Variants in CSTL1 observed in about 807,000 individuals in gnomAD.
CSTL1 encodes the protein cystatin-like 1.
CSTL1 carries 14 observed loss-of-function variants against 14.4 expected under a neutral mutation model. The observed-to-expected ratio is 0.97, with a 90% confidence interval of 0.64 to 1.52. CSTL1 has a LOEUF of 1.52. Ranked by LOEUF, CSTL1 falls within the 40% of genes most tolerant of loss-of-function variation. The probability of loss-of-function intolerance (pLI) is 0.00; values close to 1 mark genes in which losing one functional copy is unlikely to be tolerated. For synonymous variants in CSTL1, 72 were observed against 67.5 expected (o/e 1.07, Z -0.33); for missense variants, 170 against 168.7 (o/e 1.01, Z -0.04).
chr20:23,452,772 C>A, the CSTL1 span: 4 of 1,613,982 alleles, frequency 2.5e-6, no homozygotes, highest in African/African-American at 5.3e-5. Context: ...AATAGAATGG[C>A]CAACAGGAGC....
chr20:23,453,531 TG>T, the CSTL1 span, among the ~76,000 whole-genome samples: 2 of 152,272 alleles, frequency 1.3e-5, no homozygotes, highest in Admixed American at 1.3e-4. Flanking sequence ...GGGGACCTGA[TG>T]GGAGTCCCCA....
chr20:23,440,918 G>A, intron 2 of CSTL1: 1 of 256,152 alleles, frequency 3.9e-6, no homozygotes, highest in South Asian at 4.0e-5. Context: ...CACCACACCT[G>A]GCTAAATTTT....
chr20:23,455,144 G>A, the CSTL1 span, among the ~76,000 whole-genome samples: 2 of 152,178 alleles, frequency 1.3e-5, no homozygotes, highest in Admixed American at 1.3e-4. Context: ...AAGGATTGTG[G>A]TGCCTTGTGC....
the CSTL1 span, among the ~76,000 whole-genome samples, chr20:23,451,041 A>G: frequency 6.6e-6 from 1 of 151,754 alleles, no homozygotes; most frequent in African/African-American, 2.4e-5. Context: ...CCATCCATCC[A>G]TTTACCCATC....
chr20:23,444,939 T>A, downstream of CSTL1: 1 of 1,134,562 alleles, frequency 8.8e-7, no homozygotes, highest in Non-Finnish European at 1.3e-6. Flanking sequence ...CATGTCTCCC[T>A]CATTGGGGTC....
At chr20:23,451,547 G>A in the CSTL1 span, among the ~76,000 whole-genome samples, 11 of 152,060 alleles carry the variant, frequency 7.2e-5, no homozygotes, top group South Asian at 2.1e-4. Context: ...TGCTTCCCTC[G>A]CCCCAGAGTG....
At chr20:23,456,892 A>C in the CSTL1 span, among the ~76,000 whole-genome samples, 5 of 151,424 alleles carry the variant, frequency 3.3e-5, no homozygotes, top group Middle Eastern at 6.8e-3. Flanking sequence ...TCCTTCTCTG[A>C]CTCTCCATCT....
the CSTL1 span, among the ~76,000 whole-genome samples, chr20:23,454,291 C>T: frequency 6.6e-6 from 1 of 150,988 alleles, no homozygotes; most frequent in African/African-American, 2.4e-5. Context: ...ATACACACAC[C>T]TACATTACAC....
chr20:23,445,260 C>G (rs983974617), downstream of CSTL1, among the ~76,000 whole-genome samples: 13 of 133,482 alleles, frequency 9.7e-5, no homozygotes, highest in African/African-American at 3.5e-4. Flanking sequence ...GAGACACAGT[C>G]TTGCTCTGTT....
At chr20:23,441,524 C>G (rs1986831295) in intron 2 of CSTL1, among the ~76,000 whole-genome samples, 1 of 152,154 alleles carries the variant, frequency 6.6e-6, no homozygotes, top group Non-Finnish European at 1.5e-5. Context: ...ATTCTGAAGT[C>G]TTTTATGTAA....
In CSTL1 at chr20:23,440,428, A is replaced by G; in HGVS notation, c.161A>G (p.Asn54Ser). ...TLNFFIQSYN[N>S]ASNDTYLYRV... is the part of the protein sequence containing the mutation. ...AACTTCTTCATTCAATCCTACAACA[A>G]TGCCAGCAACGACACCTACTTATAT... is the stretch of plus-strand genomic sequence containing the variant. The change falls in exon 2 of 4, where the codon AAT (asparagine) becomes AGT (serine). Residue 54 changes from asparagine (N) to serine (S), a missense_variant. Physicochemically the swap from Asn to Ser is conservative, Grantham distance 46. Coordinates refer to ENST00000347397, the MANE Select transcript of CSTL1 (RefSeq NM_138283.1). 6.2e-7 allele frequency: 1 copy of G among 1,614,144 alleles called. No individual in the cohort carries two copies. Among genetic ancestry groups the G allele is most frequent in the Non-Finnish European group, 8.5e-7 (1 of 1,179,990 alleles).
At chr20:23,450,616 T>C in the CSTL1 span, 1 of 1,566,862 alleles carries the variant, frequency 6.4e-7, no homozygotes, top group East Asian at 2.3e-5. Context: ...AGGCAATATT[T>C]TAAAAGACGC....
chr20:23,460,500 A>G, the CSTL1 span, among the ~76,000 whole-genome samples: 1 of 152,174 alleles, frequency 6.6e-6, no homozygotes, highest in Non-Finnish European at 1.5e-5. Flanking sequence ...TTTAATTCAT[A>G]AATTTTGTAA....
At chr20:23,443,669 T>C (rs1986891289) in intron 2 of CSTL1, among the ~76,000 whole-genome samples, 1 of 152,204 alleles carries the variant, frequency 6.6e-6, no homozygotes, top group South Asian at 2.1e-4. Context: ...TGATGTTGCC[T>C]CTTCTGTCCT....
At chr20:23,445,326 A>T (rs2123317517), downstream of CSTL1, among the ~76,000 whole-genome samples, 1 of 150,402 alleles carries the variant, frequency 6.6e-6, no homozygotes, top group East Asian at 2.0e-4. Context: ...AGTGGAGCTC[A>T]CTGAAGCCTT....
downstream of CSTL1, chr20:23,445,006 G>C (rs983471388): frequency 5.8e-6 from 4 of 688,596 alleles, no homozygotes; most frequent in Admixed American, 4.2e-5. Context: ...ACACACACTT[G>C]CACATACTTA....
At chr20:23,453,291 T>C in the CSTL1 span, among the ~76,000 whole-genome samples, 144 of 152,138 alleles carry the variant, frequency 9.5e-4, no homozygotes, top group African/African-American at 3.3e-3. Flanking sequence ...AGACGAGTTC[T>C]GGAAAATCCC....
chr20:23,454,505 G>A, the CSTL1 span, among the ~76,000 whole-genome samples: 1 of 152,088 alleles, frequency 6.6e-6, no homozygotes, highest in East Asian at 1.9e-4. Flanking sequence ...AAAACTCATG[G>A]ACCTCAGGGT....
the CSTL1 span, among the ~76,000 whole-genome samples, chr20:23,453,343 G>A: frequency 0.026 from 3,951 of 152,202 alleles, 160 homozygotes; most frequent in African/African-American, 0.09. Context: ...CTACAGAAAG[G>A]TGTGAAGGGA....
Sources: allele counts gnomAD v4.1 joint callset (sites outside exome capture counted in the v4.1 genomes callset), GRCh38; gene constraint gnomAD v4.1.1; transcripts MANE v1.5; gene names NCBI Gene and HGNC (gene_info 2026-07-23, HGNC 2026-07-21).